Variants in PRKCZ observed in about 807,000 individuals in gnomAD.
PRKCZ encodes protein kinase C zeta type.
Under a neutral mutation model 79.5 loss-of-function variants are expected in PRKCZ, and 33 were observed. The observed-to-expected ratio is 0.41, with a 90% CI of 0.31 to 0.55. PRKCZ has a LOEUF of 0.55. PRKCZ is among the 20% of genes least tolerant of loss of function. The probability of loss-of-function intolerance (pLI) is 0.19; values close to 1 mark genes in which losing one functional copy is unlikely to be tolerated. For missense variants in PRKCZ, 578 were observed against 813.5 expected, an observed-to-expected ratio of 0.71 and a Z score of 3.52; for synonymous variants, 342 against 320.9, an observed-to-expected ratio of 1.07 and a Z score of -0.70.
intron 10 of PRKCZ, among the ~76,000 whole-genome samples, chr1:2,160,433 A>T (rs1406935884): frequency 1.3e-5 from 2 of 152,132 alleles, no homozygotes; most frequent in African/African-American, 4.8e-5. Context: ...GGGGGCAGGC[A>T]AGGGTTGGGT....
intron 4 of PRKCZ, among the ~76,000 whole-genome samples, chr1:2,105,233 G>T (rs1668175860): frequency 6.6e-6 from 1 of 152,156 alleles, no homozygotes; most frequent in African/African-American, 2.4e-5. Context: ...CGCCCAGCAG[G>T]TGACCCCAGC....
chr1:2,169,415 C>T (rs375608570), intron 10 of PRKCZ, 103 bp from the exon 11 acceptor site: 7 of 956,386 alleles, frequency 7.3e-6, no homozygotes, highest in Middle Eastern at 2.1e-4. Context: ...ACTGAACCTG[C>T]GGGAGGGTTC....
chr1:2,163,633 G>A (rs1222296458), intron 10 of PRKCZ, among the ~76,000 whole-genome samples: 3 of 152,116 alleles, frequency 2.0e-5, no homozygotes, highest in Non-Finnish European at 4.4e-5. Flanking sequence ...GCTCACGCCT[G>A]TAATCCCAGC....
intron 4 of PRKCZ, among the ~76,000 whole-genome samples, chr1:2,063,375 C>T (rs1013501133): frequency 6.6e-5 from 10 of 152,330 alleles, no homozygotes; most frequent in Non-Finnish European, 1.0e-4. Flanking sequence ...TTCAGTGGCA[C>T]GATCTCGGCT....
chr1:2,152,691 C>G (rs1680136237), intron 9 of PRKCZ, among the ~76,000 whole-genome samples: 1 of 152,236 alleles, frequency 6.6e-6, no homozygotes, highest in Non-Finnish European at 1.5e-5. Context: ...TGCGTCAGCC[C>G]CATGGCCTCC....
At chr1:2,074,426 T>TTGTGGGTC (rs3067307) in intron 4 of PRKCZ, among the ~76,000 whole-genome samples, 18,000 of 151,846 alleles carry the variant, frequency 0.12, 3,469 homozygotes, top group African/African-American at 0.4. Flanking sequence ...TGCTTTTTGG[T>TTGTGGGTC]TGTGGGTCTG....
chr1:2,119,365 C>T lies in PRKCZ; in HGVS notation c.335-15897C>T, dbSNP rs184748419. ...GAGTAGCTGGGATTACAGGTGCCCA[C>T]CACCATGCCCAACTATTTTTTGTAT... is the stretch of plus-strand genomic sequence containing the variant. On this transcript the variant is annotated intron_variant, in intron 4 of 17. Transcript: ENST00000378567. Among the ~76,000 whole-genome samples the T allele has an allele frequency of 1.0e-3, 158 of 152,124 alleles. 1 individual carries two copies. Among genetic ancestry groups the T allele is most frequent in the Middle Eastern group, 6.8e-3 (2 of 294 alleles).
At chr1:2,054,353 C>T (rs1659958832) in intron 1 of PRKCZ, among the ~76,000 whole-genome samples, 1 of 152,102 alleles carries the variant, frequency 6.6e-6, no homozygotes, top group African/African-American at 2.4e-5. Context: ...TTTCAGGAAA[C>T]ACCAGCTGGG....
chr1:2,151,811 AC>A (rs1679955334), intron 9 of PRKCZ, among the ~76,000 whole-genome samples: 1 of 151,606 alleles, frequency 6.6e-6, no homozygotes, highest in Admixed American at 6.6e-5. Context: ...ATGAGCCACC[AC>A]CCCCAGCTGT....
chr1:2,179,733 C>G lies in PRKCZ; in HGVS notation c.1575+4420C>G, dbSNP rs77571433. Among the ~76,000 whole-genome samples the G allele has an allele frequency of 9.3e-3, 1,423 of 152,288 alleles. 20 individuals are homozygous for G. The highest frequency in any genetic ancestry group is 0.032 in the African/African-American group (1,317 of 41,544). ...GCCAGGAGTGGTTTGCTCCTCCCAC[C>G]CCGGGCCCAGGGCTGCTGGTGGGAG... On this transcript the variant is annotated intron_variant, in intron 16 of 17. Coordinates refer to ENST00000378567, the MANE Select transcript of PRKCZ (RefSeq NM_002744.6).
At chr1:2,137,930 G>A (rs1164264275) in intron 5 of PRKCZ, among the ~76,000 whole-genome samples, 3 of 152,252 alleles carry the variant, frequency 2.0e-5, no homozygotes, top group Non-Finnish European at 4.4e-5. Flanking sequence ...CAAGGCGAGA[G>A]TGGCCCGAAA....
chr1:2,148,974 C>G (rs1223039194), intron 8 of PRKCZ, 50 bp downstream of exon 8: 1 of 1,571,386 alleles, frequency 6.4e-7, no homozygotes, highest in Non-Finnish European at 8.8e-7. Context: ...TCTGGAAAGT[C>G]TGTGAGCCTG....
intron 10 of PRKCZ, among the ~76,000 whole-genome samples, chr1:2,160,386 A>G: frequency 6.6e-6 from 1 of 151,922 alleles, no homozygotes; most frequent in Non-Finnish European, 1.5e-5. Context: ...GCACCCGGGG[A>G]GGGTCCGCAG....
chr1:2,100,314 C>A (rs1667223189), intron 4 of PRKCZ, among the ~76,000 whole-genome samples: 1 of 152,254 alleles, frequency 6.6e-6, no homozygotes, highest in Admixed American at 6.5e-5. Context: ...TTGGAGGCAG[C>A]GTCTTCACCG....
At chr1:2,073,550 G>A in intron 4 of PRKCZ, 1 of 876,306 alleles carries the variant, frequency 1.1e-6, no homozygotes, top group African/African-American at 1.8e-5. Context: ...AGCCCTGCCT[G>A]GGTCTGGCTG....
intron 4 of PRKCZ, among the ~76,000 whole-genome samples, chr1:2,106,743 C>CT (rs142626853): frequency 0.059 from 2,535 of 43,280 alleles, 348 homozygotes; most frequent in East Asian, 0.12. Flanking sequence ...CCAGGTAACT[C>CT]TCAGCAAGCC....
chr1:2,059,498 A>C, intron 3 of PRKCZ, 43 bp from the exon 4 acceptor site: 3 of 1,610,496 alleles, frequency 1.9e-6, no homozygotes, highest in Non-Finnish European at 2.5e-6. Flanking sequence ...GTTGAGTGGC[A>C]GCCGCAGGGT....
In PRKCZ at chr1:2,165,743, C is replaced by G. The variant is rs972766452; in HGVS notation, c.975-3775C>G. Among the ~76,000 whole-genome samples, 1 of 152,204 alleles carries G rather than the reference C, an allele frequency of 6.6e-6. No individual in the cohort carries two copies. Among genetic ancestry groups the G allele is most frequent in the Admixed American group, 6.5e-5 (1 of 15,292 alleles). ...CCGGACCCATCTGGTTAATTCTTGA[C>G]TCTCAGGGCAGCGTCTCCTGTGCCT... On this transcript the variant is annotated intron_variant, in intron 10 of 17. Coordinates refer to ENST00000378567, the MANE Select transcript of PRKCZ (RefSeq NM_002744.6). This position sits in a 1 kb window ranked among gnomAD's most constrained non-coding sequence, Gnocchi z 4.1.
rs1283983661 is a variant in PRKCZ at position 2,178,303 on chromosome 1, G to A, written c.1575+2990G>A. Among the ~76,000 whole-genome samples, 6 of 152,180 alleles carry A rather than the reference G, an allele frequency of 3.9e-5. No homozygotes were observed. On this transcript the variant is annotated intron_variant, in intron 16 of 17. Transcript: ENST00000378567. The surrounding 1 kb of genome is among the most constrained non-coding windows in gnomAD (Gnocchi z 4.3). The stretch of plus-strand genomic sequence containing the variant: ...GGACCTGGGCACACCGCGGCCTTTC[G>A]TGCCTGCCCTCCCCTCAGCATTGTC...
Sources: gnomAD v4.1 joint callset for allele counts (sites outside exome capture counted in the v4.1 genomes callset) on GRCh38, gnomAD v4.1.1 for gene constraint, Gnocchi (gnomAD v3.1) non-coding constraint, MANE v1.5 for transcripts, NCBI Gene and HGNC (gene_info 2026-07-23, HGNC 2026-07-21) for gene names.